Variants in RELN observed in about 807,000 individuals in gnomAD.
RELN encodes the protein reelin.
In RELN, 108 loss-of-function variants were observed where a neutral mutation model predicts 427.6. That is an observed-to-expected ratio of 0.25 (90% CI 0.22 to 0.30). The LOEUF (loss-of-function observed/expected upper bound fraction) is 0.30, where lower values mean the gene tolerates loss of function less well. RELN is among the 10% of genes least tolerant of loss of function. The pLI is 1.00. For missense variants in RELN, 3,715 were observed against 4,302.8 expected, an observed-to-expected ratio of 0.86 and a Z score of 3.82; for synonymous variants, 1,524 against 1,513.4, an observed-to-expected ratio of 1.01 and a Z score of -0.16.
intron 2 of RELN, among the ~76,000 whole-genome samples, chr7:103,914,077 T>C (rs183208986): frequency 1.3e-5 from 2 of 152,294 alleles, no homozygotes; most frequent in African/African-American, 4.8e-5. Context: ...AATCAAAATA[T>C]ATTCTAATTC....
At chr7:103,938,416 T>G (rs1187204188) in intron 1 of RELN, among the ~76,000 whole-genome samples, 1 of 152,202 alleles carries the variant, frequency 6.6e-6, no homozygotes. Context: ...ATATCAAAAT[T>G]TTTTCATATA....
intron 1 of RELN, among the ~76,000 whole-genome samples, chr7:103,925,218 AT>A (rs1318321810): frequency 3.3e-5 from 5 of 152,076 alleles, no homozygotes; most frequent in Non-Finnish European, 7.4e-5. Flanking sequence ...AAATTCCTAA[AT>A]AGTAATAGTA....
chr7:103,490,488 G>A (rs1265565652), intron 59 of RELN, among the ~76,000 whole-genome samples, 180 bp downstream of exon 59: 1 of 152,190 alleles, frequency 6.6e-6, no homozygotes, highest in African/African-American at 2.4e-5. Flanking sequence ...CCTGGAACAT[G>A]CAGTTGCCAT....
chr7:103,769,243 G>A (rs1420858174), intron 4 of RELN, among the ~76,000 whole-genome samples: 2 of 152,194 alleles, frequency 1.3e-5, no homozygotes, highest in African/African-American at 4.8e-5. Context: ...AGTAGTAAGA[G>A]GTGGGGCCTT....
At chr7:103,931,016 T>C (rs1335393422) in intron 1 of RELN, among the ~76,000 whole-genome samples, 2 of 152,052 alleles carry the variant, frequency 1.3e-5, no homozygotes, top group Admixed American at 1.3e-4. Flanking sequence ...AGGATTGACT[T>C]TTTAGAGACT....
At chr7:103,969,600 C>A (rs1472299077) in intron 1 of RELN, among the ~76,000 whole-genome samples, 1 of 152,118 alleles carries the variant, frequency 6.6e-6, no homozygotes, top group Non-Finnish European at 1.5e-5. Flanking sequence ...AAATAGGTAT[C>A]ACTCTTCTTA....
At chr7:103,517,586 C>CT (rs1451104071) in intron 49 of RELN, among the ~76,000 whole-genome samples, 1 of 152,176 alleles carries the variant, frequency 6.6e-6, no homozygotes, top group African/African-American at 2.4e-5. Flanking sequence ...GGAACTCACA[C>CT]TTGAGGTCTT....
chr7:103,503,021 C>T lies in RELN; in HGVS notation c.8484G>A (p.Val2828=). The T allele has an allele frequency of 6.2e-7, 1 of 1,613,742 alleles. No homozygotes were observed. The highest frequency in any genetic ancestry group is 8.5e-7 in the Non-Finnish European group (1 of 1,179,734). Reference sequence around the variant, plus strand: ...TGTTTTAGTTTTCTACTTACTTTCCCACTAAGCTTTCAGGAAGTGGGTAGG... The same window carrying T: ...TGTTTTAGTTTTCTACTTACTTTCCTACTAAGCTTTCAGGAAGTGGGTAGG... The part of the protein sequence containing the change: ...RITYPLPESL[V]GNPVRFRFYQ... Residue 2828 remains valine, a synonymous_variant, in exon 52 of 65, where the codon GTG becomes GTA. Transcript: ENST00000428762.
chr7:103,539,796 G>A (rs1241763063), intron 44 of RELN, among the ~76,000 whole-genome samples: 2 of 152,240 alleles, frequency 1.3e-5, no homozygotes, highest in Non-Finnish European at 2.9e-5. Flanking sequence ...CTATAAGGAT[G>A]TGGGGGAGAT....
intron 46 of RELN, among the ~76,000 whole-genome samples, chr7:103,532,392 C>T (rs532392175): frequency 3.9e-5 from 6 of 151,972 alleles, no homozygotes; most frequent in East Asian, 3.9e-4. Flanking sequence ...CAAACCACCA[C>T]GGCACATGTT....
intron 6 of RELN, among the ~76,000 whole-genome samples, chr7:103,748,256 A>G (rs1269448202): frequency 6.6e-6 from 1 of 151,944 alleles, no homozygotes; most frequent in African/African-American, 2.4e-5. Flanking sequence ...CATATAAAGT[A>G]TAAGACTTTA....
At chr7:103,866,506 T>C (rs1365858519) in intron 2 of RELN, among the ~76,000 whole-genome samples, 1 of 152,128 alleles carries the variant, frequency 6.6e-6, no homozygotes, top group Non-Finnish European at 1.5e-5. Flanking sequence ...ATATTTGTGA[T>C]TGTGCTCCTG....
Position 103,824,676 on chromosome 7 carries a change from T to TGTGTGTGTGTGTG in RELN, c.473+8860_473+8861insCACACACACACAC, listed in dbSNP as rs1793090714. ...TGTGTGTGTGTGTGTGTGTGTGTGT[T>TGTGTGTGTGTGTG]TGCTTCATTTTAGCTAGAGTTGCTA... On this transcript the variant is annotated intron_variant, in intron 3 of 64. Coordinates refer to ENST00000428762, the MANE Select transcript of RELN (RefSeq NM_005045.4). This position sits in a 1 kb window ranked among gnomAD's most constrained non-coding sequence, Gnocchi z 4.4. Among the ~76,000 whole-genome samples the TGTGTGTGTGTGTG allele has an allele frequency of 4.3e-5, 3 of 70,578 alleles. No individual in the cohort carries two copies. The highest frequency in any genetic ancestry group is 1.3e-4 in the African/African-American group (2 of 15,958). The allele number at this position is 70,578 out of a possible 152,430, so 46.3% of individuals were successfully genotyped here.
At chr7:103,624,981 A>G (rs1214755918) in intron 20 of RELN, among the ~76,000 whole-genome samples, 2 of 152,212 alleles carry the variant, frequency 1.3e-5, no homozygotes, top group African/African-American at 4.8e-5. Context: ...ACAGGTATCC[A>G]TCTTTAAATC....
At chr7:103,906,696 T>C (rs1462355801) in intron 2 of RELN, among the ~76,000 whole-genome samples, 1 of 152,162 alleles carries the variant, frequency 6.6e-6, no homozygotes, top group African/African-American at 2.4e-5. Flanking sequence ...CTAGTATATT[T>C]GACATAGCTT....
At position 103,566,599 on chromosome 7, in the gene RELN, A is replaced by G; in HGVS notation, c.4747+2T>C. The G allele has an allele frequency of 6.2e-7, 1 of 1,614,116 alleles. No homozygotes were observed. The highest frequency in any genetic ancestry group is 8.5e-7 in the Non-Finnish European group (1 of 1,179,990). Reference sequence around the variant, plus strand: ...AGAAAGCTGGAGTGAGCAGTAACTTACCATGTTGCGGTTGCCACCATCGAA... The same window carrying G: ...AGAAAGCTGGAGTGAGCAGTAACTTGCCATGTTGCGGTTGCCACCATCGAA... On this transcript the variant is annotated splice_donor_variant, in intron 32 of 64. Coordinates refer to ENST00000428762, the MANE Select transcript of RELN (RefSeq NM_005045.4). LOFTEE classifies it high-confidence loss of function.
At chr7:103,505,892 A>G (rs560516931) in intron 51 of RELN, among the ~76,000 whole-genome samples, 19 of 152,342 alleles carry the variant, frequency 1.2e-4, no homozygotes, top group African/African-American at 4.6e-4. Flanking sequence ...AGAGAAGAAT[A>G]TAAATGACCT....
chr7:103,912,727 A>AT (rs1175544724), intron 2 of RELN, among the ~76,000 whole-genome samples: 1 of 152,146 alleles, frequency 6.6e-6, no homozygotes, highest in Admixed American at 6.6e-5. Context: ...GAGCCAGAAT[A>AT]TAAAAAATTG....
At chr7:103,765,778 T>C (rs1225592316) in intron 4 of RELN, among the ~76,000 whole-genome samples, 6 of 152,160 alleles carry the variant, frequency 3.9e-5, no homozygotes. Flanking sequence ...AATAACTCAA[T>C]GTAAAATCCT....
Sources: allele counts gnomAD v4.1 joint callset (sites outside exome capture counted in the v4.1 genomes callset), GRCh38; gene constraint gnomAD v4.1.1; non-coding constraint Gnocchi (gnomAD v3.1); transcripts MANE v1.5; gene names NCBI Gene and HGNC (gene_info 2026-07-23, HGNC 2026-07-21).